The following PLCB4 variants were observed in gnomAD, a reference collection of about 807,000 sequenced individuals.
PLCB4 encodes the protein phospholipase C beta 4, also known as 1-phosphatidylinositol 4,5-bisphosphate phosphodiesterase beta-4.
A neutral mutation model predicts 178.8 loss-of-function variants in PLCB4; 77 were observed. That is an observed-to-expected ratio of 0.43 (90% confidence interval 0.36 to 0.52). The LOEUF (loss-of-function observed/expected upper bound fraction) is 0.52. PLCB4 is among the 20% of genes least tolerant of loss of function. PLCB4 has a pLI of 0.00. For synonymous variants in PLCB4, 496 were observed against 490.8 expected, an observed-to-expected ratio of 1.01 and a Z score of -0.14; for missense variants, 1,024 against 1,453.4, an observed-to-expected ratio of 0.70 and a Z score of 4.80.
intron 38 of PLCB4, 31 bp downstream of exon 38, chr20:9,473,396 A>G: frequency 7.7e-7 from 1 of 1,304,628 alleles, no homozygotes; most frequent in Middle Eastern, 1.8e-4. Context: ...AAAAACATGC[A>G]GGCAGCTAGC....
chr20:9,401,520 T>C lies in PLCB4; in HGVS notation c.1541T>C (p.Phe514Ser). Reference sequence around the variant, plus strand: ...CAAGAGGAGGAAGCTCACCCCGAATTCAAATTTGGAAATGAACTTTCTGCT... The same window carrying C: ...CAAGAGGAGGAAGCTCACCCCGAATCCAAATTTGGAAATGAACTTTCTGCT... ...ADQEEEAHPE[F>S]KFGNELSADD... Residue 514 changes from phenylalanine (F) to serine (S), a missense_variant, in exon 20 of 40, where the codon TTC (phenylalanine) becomes TCC (serine). Transcript: ENST00000378473. 1 of 1,613,884 alleles carries C rather than the reference T, an allele frequency of 6.2e-7. No homozygotes were observed. The highest frequency in any genetic ancestry group is 8.5e-7 in the Non-Finnish European group (1 of 1,179,830).
intron 3 of PLCB4, among the ~76,000 whole-genome samples, chr20:9,297,143 C>G (rs115935823): frequency 0.032 from 4,780 of 151,372 alleles, 224 homozygotes; most frequent in African/African-American, 0.1. Context: ...TTTCCTCAGG[C>G]TTCTATAGCC....
intron 2 of PLCB4, among the ~76,000 whole-genome samples, chr20:9,141,062 A>G (rs1261130522): frequency 3.3e-5 from 5 of 152,128 alleles, no homozygotes; most frequent in Non-Finnish European, 1.5e-5. Context: ...GCTGCATGTT[A>G]GTTTGAAATG....
chr20:9,373,506 T>G (rs1381053969), intron 12 of PLCB4, among the ~76,000 whole-genome samples: 1 of 152,234 alleles, frequency 6.6e-6, no homozygotes, highest in Non-Finnish European at 1.5e-5. Flanking sequence ...ATTGCTAACT[T>G]TATCTCATAC....
At chr20:9,156,046 A>G (rs1372127856) in intron 2 of PLCB4, among the ~76,000 whole-genome samples, 2 of 152,206 alleles carry the variant, frequency 1.3e-5, no homozygotes, top group Non-Finnish European at 2.9e-5. Flanking sequence ...TTCCAGTCAT[A>G]GACTGTGCAA....
chr20:9,309,220 G>C (rs112962941), intron 4 of PLCB4, among the ~76,000 whole-genome samples: 4 of 152,026 alleles, frequency 2.6e-5, no homozygotes, highest in African/African-American at 9.7e-5. Flanking sequence ...AACATACAGC[G>C]TATGTTCAAC....
At chr20:9,163,798 G>A (rs1417106873) in intron 2 of PLCB4, among the ~76,000 whole-genome samples, 4 of 151,510 alleles carry the variant, frequency 2.6e-5, no homozygotes, top group Admixed American at 6.6e-5. Context: ...TCTATATACC[G>A]TAATTTGCCT....
At position 9,366,953 on chromosome 20, in the gene PLCB4, G is replaced by A. The variant is rs151203638; in HGVS notation, c.503+1439G>A. On this transcript the variant is annotated intron_variant, in intron 9 of 39. Coordinates refer to ENST00000378473, the MANE Select transcript of PLCB4 (RefSeq NM_001377142.1). The stretch of plus-strand genomic sequence containing the variant: ...TTGATCTGTCTTTCAGAAATAACCA[G>A]GTCACCGAGTGCGTAGCATCTGTGT... Among the ~76,000 whole-genome samples the A allele has an allele frequency of 1.2e-3, 190 of 152,304 alleles. 2 individuals are homozygous for A. Among genetic ancestry groups the A allele is most frequent in the Middle Eastern group, 6.8e-3 (2 of 294 alleles).
chr20:9,310,072 G>A (rs2094812976), intron 4 of PLCB4, among the ~76,000 whole-genome samples: 2 of 152,290 alleles, frequency 1.3e-5, no homozygotes, highest in South Asian at 4.2e-4. Context: ...CCACAAAGCT[G>A]AAGAATATTT....
chr20:9,220,311 G>T (rs1178570609), intron 3 of PLCB4, among the ~76,000 whole-genome samples: 1 of 152,180 alleles, frequency 6.6e-6, no homozygotes, highest in Non-Finnish European at 1.5e-5. Flanking sequence ...AATGTTGGGG[G>T]TGCTTTCTTC....
At position 9,371,125 on chromosome 20, in the gene PLCB4, C is replaced by T. The variant is rs748462707; in HGVS notation, c.504-89C>T. The T allele has an allele frequency of 6.0e-6, 5 of 832,816 alleles. No individual in the cohort carries two copies. In the African/African-American group the frequency reaches 8.4e-5, roughly 14 times the overall value. The allele number at this position is 832,816 out of a possible 1,614,324, so 51.6% of individuals were successfully genotyped here. ...TCTCCTCTTCCTTTTACCCTAGTCT[C>T]ACTCTCCATAGTAGGACCTGGATCT... On this transcript the variant is annotated intron_variant, in intron 9 of 39. Transcript: ENST00000378473.
chr20:9,341,601 CA>C (rs2033205644), intron 7 of PLCB4, among the ~76,000 whole-genome samples: 1 of 151,684 alleles, frequency 6.6e-6, no homozygotes, highest in South Asian at 2.1e-4. Context: ...CTTGGTGTCT[CA>C]GGGGTGGCAG....
chr20:9,093,071 C>A (rs952819074), intron 1 of PLCB4, among the ~76,000 whole-genome samples: 1 of 152,132 alleles, frequency 6.6e-6, no homozygotes, highest in South Asian at 2.1e-4. Flanking sequence ...GTATTAGATG[C>A]TACTTCATTC....
intron 3 of PLCB4, among the ~76,000 whole-genome samples, chr20:9,222,682 T>A (rs2093814529): frequency 6.6e-6 from 1 of 152,222 alleles, no homozygotes; most frequent in South Asian, 2.1e-4. Flanking sequence ...AGGTTTTACC[T>A]TTTTTTGTCC....
At position 9,421,435 on chromosome 20, in the gene PLCB4, A is replaced by G; in HGVS notation, c.2293A>G (p.Asn765Asp). ...GAATAATGGACTCAATCCAGTTTAC[A>G]ATGAAGAGTCATTTGTATTTCGGAA... ...VMNNGLNPVY[N>D]EESFVFRKVI... The change falls in exon 27 of 40, where the codon AAT (asparagine) becomes GAT (aspartate). Residue 765 changes from asparagine (N) to aspartate (D), a missense_variant. By Grantham distance (23) the Asn-to-Asp change is conservative (BLOSUM62 1). This residue lies in a region of PLCB4 where 227 missense variants were observed against 374.3 expected (regional missense o/e 0.61). Transcript: ENST00000378473. 6.2e-7 allele frequency: 1 copy of G among 1,613,732 alleles called. No individual in the cohort carries two copies. The highest frequency in any genetic ancestry group is 2.2e-5 in the East Asian group (1 of 44,878).
chr20:9,453,322 A>G, intron 32 of PLCB4, 25 bp from the exon 33 acceptor site: 1 of 1,409,446 alleles, frequency 7.1e-7, no homozygotes, highest in Non-Finnish European at 1.0e-6. Context: ...AGTCCAATTC[A>G]TAACTGCAAA....
intron 28 of PLCB4, among the ~76,000 whole-genome samples, chr20:9,432,757 G>A (rs1718378566): frequency 6.6e-6 from 1 of 152,184 alleles, no homozygotes; most frequent in Non-Finnish European, 1.5e-5. Context: ...AAGCCATGTG[G>A]TTCTCCTAAC....
chr20:9,419,435 T>TA (rs1270555514), intron 25 of PLCB4, among the ~76,000 whole-genome samples: 3 of 152,234 alleles, frequency 2.0e-5, no homozygotes, highest in African/African-American at 7.2e-5. Flanking sequence ...TTATTACAAG[T>TA]ACAATTAATA....
intron 2 of PLCB4, among the ~76,000 whole-genome samples, chr20:9,107,085 C>G (rs1233860707): frequency 6.6e-6 from 1 of 152,190 alleles, no homozygotes; most frequent in Non-Finnish European, 1.5e-5. Flanking sequence ...GTTACCCAGT[C>G]ATGGCCAATC....
Sources: gnomAD v4.1 joint callset for allele counts (sites outside exome capture counted in the v4.1 genomes callset) on GRCh38, gnomAD v4.1.1 for gene constraint, gnomAD v4.1.1 regional missense constraint, MANE v1.5 for transcripts, NCBI Gene and HGNC (gene_info 2026-07-23, HGNC 2026-07-21) for gene names.